Variants in SP140 observed in about 807,000 individuals in gnomAD.
SP140 encodes nuclear body protein SP140.
A neutral mutation model predicts 125.0 loss-of-function variants in SP140; 81 were observed. The observed-to-expected ratio is 0.65, with a 90% confidence interval of 0.54 to 0.78. The LOEUF (loss-of-function observed/expected upper bound fraction) is 0.78. SP140 is among the 30% of genes least tolerant of loss of function. The pLI is 0.00. For synonymous variants in SP140, 312 were observed against 354.0 expected (o/e 0.88, Z 1.33); for missense variants, 858 against 1,037.0 (o/e 0.83, Z 2.37).
chr2:230,226,799 G>A (rs777973690), intron 1 of SP140, among the ~76,000 whole-genome samples: 4 of 147,138 alleles, frequency 2.7e-5, no homozygotes, highest in South Asian at 2.1e-4. Flanking sequence ...ACATCAATAC[G>A]GTCATTTCTT....
chr2:230,232,233 G>A (rs1229958127), intron 1 of SP140, among the ~76,000 whole-genome samples: 1 of 152,212 alleles, frequency 6.6e-6, no homozygotes, highest in African/African-American at 2.4e-5. Flanking sequence ...TTGGGGGCCT[G>A]CCCTGAGATG....
At chr2:230,247,870 TATGGAAATTACATACAC>T in intron 7 of SP140, 29 bp from the exon 8 acceptor site, 1 of 1,586,480 alleles carries the variant, frequency 6.3e-7, no homozygotes. Flanking sequence ...AGTGAAATTA[TATGGAAATTACATACAC>T]TCTCAGAGAT....
At chr2:230,241,795 A>G (rs1419957018) in intron 4 of SP140, among the ~76,000 whole-genome samples, 1 of 152,234 alleles carries the variant, frequency 6.6e-6, no homozygotes, top group Non-Finnish European at 1.5e-5. Flanking sequence ...AAGGAACATA[A>G]AAGTCCTACC....
At chr2:230,226,903 AAT>A in intron 1 of SP140, among the ~76,000 whole-genome samples, 1 of 152,332 alleles carries the variant, frequency 6.6e-6, no homozygotes, top group East Asian at 1.9e-4. Context: ...AATAAAAAGT[AAT>A]ATAAAAATTT....
chr2:230,212,287 C>T (rs540636383), intron 1 of SP140: 117 of 1,253,388 alleles, frequency 9.3e-5, no homozygotes, highest in South Asian at 8.4e-4. Context: ...GGTTGGCAGA[C>T]GCATGTTCTC....
At chr2:230,288,359 G>A (rs1399338662) in intron 18 of SP140, among the ~76,000 whole-genome samples, 1 of 152,220 alleles carries the variant, frequency 6.6e-6, no homozygotes, top group Non-Finnish European at 1.5e-5. Flanking sequence ...TGTGTCCTAA[G>A]ACTTTCTTTT....
At chr2:230,268,482 G>A (rs959689979) in intron 12 of SP140, among the ~76,000 whole-genome samples, 17 of 150,966 alleles carry the variant, frequency 1.1e-4, no homozygotes, top group African/African-American at 3.7e-4. Flanking sequence ...CCGAGATTAC[G>A]CGGTTGCACT....
At chr2:230,260,259 C>A (rs2052003629) in intron 12 of SP140, among the ~76,000 whole-genome samples, 1 of 152,164 alleles carries the variant, frequency 6.6e-6, no homozygotes, top group African/African-American at 2.4e-5. Flanking sequence ...ACTGTCTATT[C>A]ATGTCCTTAG....
chr2:230,305,541 G>A (rs1445698357), intron 22 of SP140, among the ~76,000 whole-genome samples: 1 of 152,254 alleles, frequency 6.6e-6, no homozygotes, highest in Non-Finnish European at 1.5e-5. Context: ...GCCTTCCTCT[G>A]GGAGCCGCTG....
intron 22 of SP140, among the ~76,000 whole-genome samples, chr2:230,307,984 TATATATAC>T (rs1352767785): frequency 0.012 from 1,085 of 88,906 alleles, 13 homozygotes; most frequent in African/African-American, 0.037. Flanking sequence ...TATATATATA[TATATATAC>T]ACACACACAC....
At chr2:230,206,595 T>TTATATATATATATATATATATATATA (rs56817002) in intron 1 of SP140, among the ~76,000 whole-genome samples, 3 of 70,526 alleles carry the variant, frequency 4.3e-5, no homozygotes, top group Non-Finnish European at 5.7e-5. Context: ...GGTCCAGATT[T>TTATATATATATATATATATATATATA]TATATATATA....
intron 22 of SP140, among the ~76,000 whole-genome samples, chr2:230,308,435 G>A (rs2059021646): frequency 6.6e-6 from 1 of 152,138 alleles, no homozygotes; most frequent in Non-Finnish European, 1.5e-5. Context: ...TAAACATTTG[G>A]TACTTCATTC....
intron 1 of SP140, among the ~76,000 whole-genome samples, chr2:230,233,192 T>G (rs914092463): frequency 6.6e-6 from 1 of 152,190 alleles, no homozygotes; most frequent in Non-Finnish European, 1.5e-5. Context: ...TTTGTTACAC[T>G]TGGGTTTCTA....
At chr2:230,216,159 T>C (rs967451839) in intron 3 of SP140, among the ~76,000 whole-genome samples, 3 of 152,220 alleles carry the variant, frequency 2.0e-5, no homozygotes, top group Admixed American at 2.0e-4. Flanking sequence ...ATGATGCCTG[T>C]AGTGAGTTGA....
intron 1 of SP140, chr2:230,212,971 T>C (rs1291674279): frequency 6.2e-7 from 1 of 1,614,048 alleles, no homozygotes; most frequent in Non-Finnish European, 8.5e-7. Context: ...GCTAGGCCAG[T>C]TGGGGCTTCA....
At chr2:230,290,633 A>G in intron 19 of SP140, 69 bp downstream of exon 19, 2 of 1,284,004 alleles carry the variant, frequency 1.6e-6, no homozygotes, top group Non-Finnish European at 2.2e-6. Flanking sequence ...GGGAATTATC[A>G]TGTGAATTAC....
At chr2:230,206,395 T>C (rs961008900) in intron 1 of SP140, among the ~76,000 whole-genome samples, 1 of 151,664 alleles carries the variant, frequency 6.6e-6, no homozygotes, top group Non-Finnish European at 1.5e-5. Context: ...ACATGTTCTT[T>C]CTTGGTGCTC....
Position 230,255,506 on chromosome 2 carries a change from C to T in SP140, c.1214C>T (p.Ser405Phe), listed in dbSNP as rs1228036460. 10 of 1,611,360 alleles carry T rather than the reference C, an allele frequency of 6.2e-6. No individual in the cohort carries two copies. Among genetic ancestry groups the T allele is most frequent in the Non-Finnish European group, 8.5e-6 (10 of 1,179,644 alleles). Reference sequence around the variant, plus strand: ...GATGGAGAAGAGCGCCAGGAAGCCTCTAGCTCCCTAGCAAGACGTGGGTCA... The same window carrying T: ...GATGGAGAAGAGCGCCAGGAAGCCTTTAGCTCCCTAGCAAGACGTGGGTCA... Reference protein sequence around the residue: ...MCDGEERQEASSSLARRGSVS... With the variant: ...MCDGEERQEAFSSLARRGSVS... Residue 405 changes from serine (S) to phenylalanine (F), a missense_variant, in exon 12 of 27, where the codon TCT (serine) becomes TTT (phenylalanine). Coordinates refer to ENST00000392045, the MANE Select transcript of SP140 (RefSeq NM_007237.5).
At chr2:230,267,276 A>G (rs1030476025) in intron 12 of SP140, among the ~76,000 whole-genome samples, 3 of 152,218 alleles carry the variant, frequency 2.0e-5, no homozygotes, top group African/African-American at 7.2e-5. Flanking sequence ...TCCGTAGTGT[A>G]GGTATACTAA....
Sources: gnomAD v4.1 joint callset for allele counts (sites outside exome capture counted in the v4.1 genomes callset) on GRCh38, gnomAD v4.1.1 for gene constraint, MANE v1.5 for transcripts, NCBI Gene and HGNC (gene_info 2026-07-23, HGNC 2026-07-21) for gene names.